DYNAP: variants seen among roughly 807,000 people sequenced by gnomAD.
DYNAP encodes the protein dynactin-associated protein.
A neutral mutation model predicts 8.5 loss-of-function variants in DYNAP; 7 were observed. The observed-to-expected ratio is 0.82, with a 90% CI of 0.47 to 1.54. The LOEUF is 1.54. Ranked by LOEUF, DYNAP falls within the 40% of genes most tolerant of loss-of-function variation. DYNAP has a pLI of 0.01. For synonymous variants in DYNAP, 77 were observed against 77.9 expected, an observed-to-expected ratio of 0.99 and a Z score of 0.06; for missense variants, 256 against 224.3, an observed-to-expected ratio of 1.14 and a Z score of -0.90.
the DYNAP span, among the ~76,000 whole-genome samples, chr18:54,577,280 G>A: frequency 1.3e-5 from 2 of 152,044 alleles, no homozygotes; most frequent in Admixed American, 1.3e-4. Context: ...AATTTATTAA[G>A]CTCCCTCTAG....
upstream of DYNAP, among the ~76,000 whole-genome samples, chr18:54,586,484 C>T (rs1430211454): frequency 6.6e-6 from 1 of 152,170 alleles, no homozygotes; most frequent in Non-Finnish European, 1.5e-5. Context: ...CAGGTGGCAG[C>T]ACCACCCTGG....
chr18:54,589,721 C>T (rs1005960673), upstream of DYNAP, among the ~76,000 whole-genome samples: 2 of 152,056 alleles, frequency 1.3e-5, no homozygotes, highest in African/African-American at 4.8e-5. Flanking sequence ...GTTTCACTTC[C>T]ACTGTGGCTA....
At position 54,599,344 on chromosome 18, in the gene DYNAP, T is replaced by C. The variant is rs903540697; in HGVS notation, c.*1199T>C. 1 of 152,148 alleles carries C rather than the reference T, an allele frequency of 6.6e-6. No homozygotes were observed. Among genetic ancestry groups the C allele is most frequent in the African/African-American group, 2.4e-5 (1 of 41,460 alleles). The allele number at this position is 152,148 out of a possible 1,614,324, so 9.4% of individuals were successfully genotyped here. ...CATCAGTCATCAAAATAACCTGTTC[T>C]ATATTAAGTTAACTTTTAGTTATCA... On this transcript the variant is annotated 3_prime_UTR_variant, in exon 3 of 3. Coordinates refer to ENST00000648945, the MANE Select transcript of DYNAP (RefSeq NM_173629.3).
chr18:54,593,458 C>G (rs1476997938), intron 1 of DYNAP, among the ~76,000 whole-genome samples: 2 of 152,122 alleles, frequency 1.3e-5, no homozygotes, highest in Non-Finnish European at 2.9e-5. Context: ...AAGCATTTGG[C>G]AGTTATTTAC....
At chr18:54,588,500 C>T (rs140793679), upstream of DYNAP, among the ~76,000 whole-genome samples, 398 of 152,204 alleles carry the variant, frequency 2.6e-3, 1 homozygote, top group African/African-American at 9.0e-3. Flanking sequence ...CCACCGCGCC[C>T]GGCCTCCAGT....
At position 54,594,946 on chromosome 18, in the gene DYNAP, C is replaced by T; in HGVS notation, c.65C>T (p.Thr22Ile). Reference protein sequence around the residue: ...VEHSENQPPITHPNDQEAHSS... With the variant: ...VEHSENQPPIIHPNDQEAHSS... ...TCCACTCTGCCTTTGTAGCCAATCA[C>T]ACATCCAAATGACCAAGAGGCTCAC... is the stretch of plus-strand genomic sequence containing the variant. The change falls in exon 2 of 3, where the codon ACA becomes ATA. Residue 22 changes from threonine to isoleucine, a missense_variant. Transcript: ENST00000648945. 1 of 1,610,018 alleles carries T rather than the reference C, an allele frequency of 6.2e-7. No homozygotes were observed. Among genetic ancestry groups the T allele is most frequent in the African/African-American group, 1.3e-5 (1 of 74,808 alleles).
At chr18:54,577,628 C>G in the DYNAP span, among the ~76,000 whole-genome samples, 6 of 113,848 alleles carry the variant, frequency 5.3e-5, no homozygotes, top group African/African-American at 2.0e-4. Flanking sequence ...AAAACACAAA[C>G]AAACCAGTAT....
chr18:54,596,362 C>T (rs1002477110), intron 2 of DYNAP, among the ~76,000 whole-genome samples: 2 of 152,100 alleles, frequency 1.3e-5, no homozygotes, highest in Non-Finnish European at 2.9e-5. Context: ...CATGAACCTC[C>T]ATGTCCAGCC....
At chr18:54,577,936 C>T in the DYNAP span, among the ~76,000 whole-genome samples, 1 of 140,950 alleles carries the variant, frequency 7.1e-6, no homozygotes, top group African/African-American at 2.7e-5. Context: ...TGCACTCCAG[C>T]CTGGGTGACA....
At chr18:54,584,762 G>A (rs1225360275), upstream of DYNAP, among the ~76,000 whole-genome samples, 1 of 152,126 alleles carries the variant, frequency 6.6e-6, no homozygotes, top group Non-Finnish European at 1.5e-5. Flanking sequence ...CACTTAAACT[G>A]GGCAATAGGA....
At chr18:54,575,918 C>A in the DYNAP span, among the ~76,000 whole-genome samples, 1 of 152,160 alleles carries the variant, frequency 6.6e-6, no homozygotes, top group Non-Finnish European at 1.5e-5. Flanking sequence ...CAACTTCTCC[C>A]AGCCCACTCT....
rs1261604687 is a variant in DYNAP, at chr18:54,599,019, A to C, written c.*874A>C. ...CCAGAACATGTTTAAATTTACCTATAGCCTGGAAGCCCCAACTTTGAGTTG... is the reference window on the plus strand; with the variant it reads ...CCAGAACATGTTTAAATTTACCTATCGCCTGGAAGCCCCAACTTTGAGTTG... On this transcript the variant is annotated 3_prime_UTR_variant, in exon 3 of 3. Coordinates refer to ENST00000648945, the MANE Select transcript of DYNAP (RefSeq NM_173629.3). 6.6e-6 allele frequency: 1 copy of C among 152,122 alleles called. No individual in the cohort carries two copies. The highest frequency in any genetic ancestry group is 1.5e-5 in the Non-Finnish European group (1 of 67,996). 9.4% of individuals were successfully genotyped at this position (152,122 alleles called of 1,614,324 possible).
At chr18:54,576,500 C>T in the DYNAP span, among the ~76,000 whole-genome samples, 3 of 151,942 alleles carry the variant, frequency 2.0e-5, no homozygotes, top group Non-Finnish European at 4.4e-5. Flanking sequence ...TAAGCATTTT[C>T]CAAAAAGAAC....
chr18:54,592,602 C>T (rs1197894975), intron 1 of DYNAP, among the ~76,000 whole-genome samples: 9 of 151,976 alleles, frequency 5.9e-5, no homozygotes, highest in Admixed American at 3.3e-4. Flanking sequence ...AAAAACTTAC[C>T]GAATGTACTT....
intron 2 of DYNAP, among the ~76,000 whole-genome samples, chr18:54,596,061 ATTTTTAT>A (rs1265532955): frequency 6.6e-6 from 1 of 151,316 alleles, no homozygotes; most frequent in Admixed American, 6.6e-5. Context: ...TCTTTTTTTT[ATTTTTAT>A]TTTTTATTTT....
chr18:54,583,396 G>A (rs1381844135), upstream of DYNAP, among the ~76,000 whole-genome samples: 3 of 152,154 alleles, frequency 2.0e-5, no homozygotes, highest in East Asian at 5.8e-4. Context: ...TTCCCTTTGA[G>A]TTTATAAATC....
chr18:54,596,436 A>G (rs964887801), intron 2 of DYNAP, among the ~76,000 whole-genome samples: 1 of 152,108 alleles, frequency 6.6e-6, no homozygotes, highest in Non-Finnish European at 1.5e-5. Context: ...GACCAAATCA[A>G]GTGCCTGAGC....
At chr18:54,578,873 C>T in the DYNAP span, among the ~76,000 whole-genome samples, 1 of 152,046 alleles carries the variant, frequency 6.6e-6, no homozygotes, top group African/African-American at 2.4e-5. Context: ...AATCTTGGCT[C>T]ACTGCAACCT....
At chr18:54,584,795 A>G (rs1056689703), upstream of DYNAP, among the ~76,000 whole-genome samples, 3 of 152,276 alleles carry the variant, frequency 2.0e-5, no homozygotes, top group Admixed American at 6.5e-5. Context: ...AGCCATGGGA[A>G]TGTGGCTATT....
Sources: allele counts gnomAD v4.1 joint callset (sites outside exome capture counted in the v4.1 genomes callset), GRCh38; gene constraint gnomAD v4.1.1; transcripts MANE v1.5; gene names NCBI Gene and HGNC (gene_info 2026-07-23, HGNC 2026-07-21).